Variants in TTLL7 observed in about 807,000 individuals in gnomAD.
TTLL7 encodes tubulin polyglutamylase TTLL7.
Under a neutral mutation model 120.2 loss-of-function variants are expected in TTLL7, and 53 were observed. The ratio of observed to expected loss-of-function variants is 0.44; its 90% CI spans 0.35 to 0.55. TTLL7 has a LOEUF of 0.55. TTLL7 is among the 20% of genes least tolerant of loss of function. The pLI is 0.00. For synonymous variants in TTLL7, 353 were observed against 351.7 expected (o/e 1.00, Z -0.04); for missense variants, 803 against 1,054.7 (o/e 0.76, Z 3.31).
rs539155900 is a variant in TTLL7 at position 83,868,697 on chromosome 1, G to A, written c.*1265C>T. 6.6e-6 allele frequency: 1 copy of A among 152,252 alleles called. No individual in the cohort carries two copies. Among genetic ancestry groups the A allele is most frequent in the African/African-American group, 2.4e-5 (1 of 41,560 alleles). 9.4% of individuals were successfully genotyped at this position (152,252 alleles called of 1,614,324 possible). A position where few individuals can be genotyped will look rare whatever the true frequency, so the allele number is the denominator to read the frequency against. ...TCATTATCCTGTAACACTAAAATGAGTGAAATGTGTCAACTCTTCTACTTC... is the reference window on the plus strand; with the variant it reads ...TCATTATCCTGTAACACTAAAATGAATGAAATGTGTCAACTCTTCTACTTC... On this transcript the variant is annotated 3_prime_UTR_variant, in exon 21 of 21. Transcript: ENST00000260505.
intron 1 of TTLL7, among the ~76,000 whole-genome samples, chr1:83,974,482 A>G (rs1033561145): frequency 2.0e-5 from 3 of 152,042 alleles, no homozygotes; most frequent in African/African-American, 7.2e-5. Flanking sequence ...ATCCAAAACG[A>G]TAACAATTAA....
At chr1:83,882,804 G>A (rs1654633444) in intron 20 of TTLL7, 159 bp downstream of exon 20, 1 of 706,928 alleles carries the variant, frequency 1.4e-6, no homozygotes, top group Admixed American at 3.0e-5. Flanking sequence ...GGTAAATACT[G>A]TACTAATTAA....
intron 17 of TTLL7, among the ~76,000 whole-genome samples, chr1:83,905,570 T>TAA (rs566842188): frequency 1.6e-4 from 23 of 143,868 alleles, no homozygotes; most frequent in Non-Finnish European, 3.4e-4. Context: ...ATTATATCTG[T>TAA]AAAAAAAAAA....
chr1:83,892,841 CAT>C (rs1279474746), intron 18 of TTLL7, among the ~76,000 whole-genome samples: 4 of 143,830 alleles, frequency 2.8e-5, no homozygotes, highest in Non-Finnish European at 6.1e-5. Flanking sequence ...TATATGAACA[CAT>C]ATATGAGTAT....
chr1:83,993,900 T>G (rs1468945245), intron 1 of TTLL7, among the ~76,000 whole-genome samples: 1 of 152,174 alleles, frequency 6.6e-6, no homozygotes, highest in African/African-American at 2.4e-5. Context: ...AAATAAAGAT[T>G]AGTGGAGAAT....
At chr1:83,935,214 A>C (rs2100827028) in intron 8 of TTLL7, among the ~76,000 whole-genome samples, 1 of 152,272 alleles carries the variant, frequency 6.6e-6, no homozygotes, top group East Asian at 1.9e-4. Context: ...CTTCACCAAT[A>C]TTACTGAAAC....
intron 7 of TTLL7, among the ~76,000 whole-genome samples, chr1:83,938,368 T>C (rs1490200384): frequency 6.6e-6 from 1 of 152,228 alleles, no homozygotes; most frequent in African/African-American, 2.4e-5. Context: ...TTGTTTTCAA[T>C]GTTTTTGGCT....
At chr1:83,870,130 T>A (rs1273438953) in intron 20 of TTLL7, 48 bp from the exon 21 acceptor site, 1 of 1,505,788 alleles carries the variant, frequency 6.6e-7, no homozygotes, top group Non-Finnish European at 8.9e-7. Context: ...AAATTATAAC[T>A]AACTCACTAA....
intron 1 of TTLL7, among the ~76,000 whole-genome samples, chr1:83,983,101 G>A (rs1315005977): frequency 6.6e-6 from 1 of 152,178 alleles, no homozygotes; most frequent in African/African-American, 2.4e-5. Flanking sequence ...GGAGGCAAAA[G>A]CAGGTGGAGC....
At chr1:83,915,621 C>A (rs964278946) in intron 14 of TTLL7, among the ~76,000 whole-genome samples, 6 of 152,192 alleles carry the variant, frequency 3.9e-5, no homozygotes, top group South Asian at 2.1e-4. Context: ...GCAATGGCAA[C>A]AAAAGCCAAA....
chr1:83,973,951 T>C (rs1321219857), intron 1 of TTLL7, among the ~76,000 whole-genome samples: 2 of 152,012 alleles, frequency 1.3e-5, no homozygotes, highest in Non-Finnish European at 2.9e-5. Flanking sequence ...ACCAGGGTTA[T>C]GCTTATACAA....
At chr1:83,938,146 T>A in intron 7 of TTLL7, 130 bp from the exon 8 acceptor site, 2 of 761,478 alleles carry the variant, frequency 2.6e-6, no homozygotes, top group Non-Finnish European at 4.3e-6. Context: ...AACAATCTCA[T>A]GATTATTTAG....
At chr1:83,969,919 A>G (rs971882522) in intron 1 of TTLL7, among the ~76,000 whole-genome samples, 2 of 152,030 alleles carry the variant, frequency 1.3e-5, no homozygotes, top group Non-Finnish European at 2.9e-5. Context: ...AGAATGAATG[A>G]TAAAGTTGAA....
At chr1:83,926,908 T>C (rs1463925022) in intron 10 of TTLL7, among the ~76,000 whole-genome samples, 1 of 152,178 alleles carries the variant, frequency 6.6e-6, no homozygotes, top group Non-Finnish European at 1.5e-5. Context: ...AATGATTGGA[T>C]TTTCCTTTTA....
At chr1:83,873,422 A>T (rs2100694104) in intron 20 of TTLL7, among the ~76,000 whole-genome samples, 1 of 152,290 alleles carries the variant, frequency 6.6e-6, no homozygotes, top group South Asian at 2.1e-4. Context: ...TGATTTTTTT[A>T]AAGCAGGAAG....
At chr1:83,889,543 TATAAA>T (rs748561386) in intron 19 of TTLL7, among the ~76,000 whole-genome samples, 19 of 152,088 alleles carry the variant, frequency 1.2e-4, no homozygotes, top group Non-Finnish European at 1.5e-5. Context: ...TTTCCTTATC[TATAAA>T]ATAGAGATAA....
At chr1:83,872,216 A>G (rs564279048) in intron 20 of TTLL7, among the ~76,000 whole-genome samples, 1 of 152,342 alleles carries the variant, frequency 6.6e-6, no homozygotes, top group African/African-American at 2.4e-5. Context: ...ACAAACTATA[A>G]ATAATTACTC....
intron 6 of TTLL7, among the ~76,000 whole-genome samples, chr1:83,945,712 TA>T (rs1648425101): frequency 6.6e-6 from 1 of 151,992 alleles, no homozygotes; most frequent in Admixed American, 6.6e-5. Flanking sequence ...CAAAATAAAT[TA>T]AAAGATTATG....
intron 1 of TTLL7, among the ~76,000 whole-genome samples, chr1:83,972,846 T>C (rs1651116441): frequency 6.6e-6 from 1 of 152,126 alleles, no homozygotes; most frequent in Non-Finnish European, 1.5e-5. Flanking sequence ...TCTTTTTATA[T>C]GCTTATTGCC....
Sources: allele counts gnomAD v4.1 joint callset (sites outside exome capture counted in the v4.1 genomes callset), GRCh38; gene constraint gnomAD v4.1.1; transcripts MANE v1.5; gene names NCBI Gene and HGNC (gene_info 2026-07-23, HGNC 2026-07-21).